The following CSMD1 variants were observed in gnomAD, a reference collection of about 807,000 sequenced individuals.
The protein encoded by CSMD1 is CUB and Sushi multiple domains 1, also known as CUB and sushi domain-containing protein 1.
CSMD1 carries 213 observed loss-of-function variants against 417.5 expected under a neutral mutation model. The observed-to-expected ratio is 0.51, with a 90% CI of 0.46 to 0.57. The LOEUF (loss-of-function observed/expected upper bound fraction) is 0.57, where lower values mean the gene tolerates loss of function less well. Ranked by LOEUF, CSMD1 falls within the 20% of genes least tolerant of loss-of-function variation. The pLI, the probability that CSMD1 is intolerant of heterozygous loss-of-function variation, is 0.00. For missense variants in CSMD1, 6,923 were observed against 4,529.7 expected, an observed-to-expected ratio of 1.53 and a Z score of -15.17; for synonymous variants, 2,862 against 1,736.8, an observed-to-expected ratio of 1.65 and a Z score of -16.11.
chr8:4,732,276 G>A (rs1460778211), intron 1 of CSMD1, among the ~76,000 whole-genome samples: 2 of 151,800 alleles, frequency 1.3e-5, no homozygotes, highest in East Asian at 1.9e-4. Context: ...AAGACACTCT[G>A]CTAGATTCTA....
intron 3 of CSMD1, among the ~76,000 whole-genome samples, chr8:4,073,971 ATCTT>A (rs200827007): frequency 1.1e-3 from 173 of 152,182 alleles, no homozygotes; most frequent in African/African-American, 3.7e-3. Context: ...CTATAATAAA[ATCTT>A]TGTCATTGGC....
chr8:4,805,256 C>G (rs985684644), intron 1 of CSMD1, among the ~76,000 whole-genome samples: 1 of 152,198 alleles, frequency 6.6e-6, no homozygotes, highest in Non-Finnish European at 1.5e-5. Context: ...ACCTGTCCAT[C>G]TCTTTCATGG....
At chr8:4,210,392 G>A (rs557455328) in intron 3 of CSMD1, among the ~76,000 whole-genome samples, 3 of 152,226 alleles carry the variant, frequency 2.0e-5, no homozygotes, top group South Asian at 2.1e-4. Context: ...TTCTTCTCAG[G>A]ATTTTATAGT....
At chr8:4,888,884 G>T (rs375129104) in intron 1 of CSMD1, among the ~76,000 whole-genome samples, 1 of 152,208 alleles carries the variant, frequency 6.6e-6, no homozygotes, top group East Asian at 1.9e-4. Flanking sequence ...GCAAAGATTT[G>T]TAACCCATAC....
chr8:4,437,605 A>C (rs1056786464), intron 2 of CSMD1, among the ~76,000 whole-genome samples: 2 of 152,196 alleles, frequency 1.3e-5, no homozygotes, highest in Non-Finnish European at 2.9e-5. Context: ...TTCATACTCT[A>C]TCAGCCTCTG....
intron 23 of CSMD1, among the ~76,000 whole-genome samples, chr8:3,315,217 A>AAACTT (rs374294090): frequency 4.6e-5 from 7 of 152,228 alleles, no homozygotes; most frequent in African/African-American, 1.4e-4. Flanking sequence ...ACTGCATTAA[A>AAACTT]AACTTAATAT....
chr8:2,986,210 G>T (rs1319434157), intron 54 of CSMD1, among the ~76,000 whole-genome samples: 1 of 152,184 alleles, frequency 6.6e-6, no homozygotes, highest in African/African-American at 2.4e-5. Context: ...CTTTGAAGAG[G>T]AAATTCAGAT....
At chr8:3,481,867 C>T (rs1384691276) in intron 11 of CSMD1, among the ~76,000 whole-genome samples, 1 of 152,166 alleles carries the variant, frequency 6.6e-6, no homozygotes, top group East Asian at 1.9e-4. Flanking sequence ...GAAAACCTGA[C>T]TTGGACTTCT....
At chr8:3,457,966 C>A (rs1249175523) in intron 12 of CSMD1, among the ~76,000 whole-genome samples, 1 of 152,168 alleles carries the variant, frequency 6.6e-6, no homozygotes, top group Non-Finnish European at 1.5e-5. Context: ...TAAAATATCA[C>A]CTAGAAGTAC....
intron 3 of CSMD1, among the ~76,000 whole-genome samples, chr8:4,316,422 A>G (rs796854135): frequency 9.8e-5 from 15 of 152,322 alleles, no homozygotes; most frequent in African/African-American, 3.6e-4. Context: ...TTCTTCATAT[A>G]TTAGGTTGAT....
chr8:4,267,520 C>G (rs1250288246), intron 3 of CSMD1, among the ~76,000 whole-genome samples: 1 of 151,558 alleles, frequency 6.6e-6, no homozygotes, highest in Admixed American at 6.6e-5. Flanking sequence ...AAGTATTGAT[C>G]CCAGCTACAC....
chr8:4,549,524 C>T (rs1030095550), intron 2 of CSMD1, among the ~76,000 whole-genome samples: 2 of 152,004 alleles, frequency 1.3e-5, no homozygotes, highest in Non-Finnish European at 2.9e-5. Flanking sequence ...TTTGCAATTC[C>T]TCCCTACCCA....
intron 1 of CSMD1, among the ~76,000 whole-genome samples, chr8:4,659,462 A>T (rs1210217760): frequency 6.6e-6 from 1 of 152,182 alleles, no homozygotes; most frequent in Non-Finnish European, 1.5e-5. Flanking sequence ...CTCAGTCACA[A>T]ATGAAGGAAG....
At chr8:3,879,371 A>C (rs1236520434) in intron 5 of CSMD1, among the ~76,000 whole-genome samples, 1 of 152,194 alleles carries the variant, frequency 6.6e-6, no homozygotes, top group Non-Finnish European at 1.5e-5. Context: ...GAATCTCTAT[A>C]GACATAAAGT....
Position 3,118,569 on chromosome 8 carries a change from C to A in CSMD1, c.6260G>T (p.Cys2087Phe). 6.2e-7 allele frequency: 1 copy of A among 1,613,414 alleles called. No homozygotes were observed. The highest frequency in any genetic ancestry group is 8.5e-7 in the Non-Finnish European group (1 of 1,179,722). Residue 2087 changes from cysteine to phenylalanine, a missense_variant, in exon 42 of 70, where the codon TGT (cysteine) becomes TTT (phenylalanine). By Grantham distance (205) the Cys-to-Phe change is radical (BLOSUM62 -2). Transcript: ENST00000635120. ...LAYQAYELQN[C>F]PDPPPFQNGY... ...ATTCTGAAATGGGGGTGGATCTGGA[C>A]AGTTCTGTAATTCATAGGCTGAAAG...
chr8:3,371,677 A>T (rs568793206), intron 18 of CSMD1, among the ~76,000 whole-genome samples: 14 of 152,316 alleles, frequency 9.2e-5, no homozygotes, highest in African/African-American at 3.4e-4. Flanking sequence ...TCTATGAAAG[A>T]TGTGACTAGC....
chr8:4,485,440 A>G (rs754647755), intron 2 of CSMD1, among the ~76,000 whole-genome samples: 12 of 152,170 alleles, frequency 7.9e-5, no homozygotes, highest in Admixed American at 2.0e-4. Flanking sequence ...AAGGGCTTCT[A>G]TGGATTCACA....
chr8:3,773,739 G>A (rs182476817), intron 5 of CSMD1, among the ~76,000 whole-genome samples: 16 of 152,312 alleles, frequency 1.1e-4, no homozygotes, highest in Admixed American at 9.2e-4. Flanking sequence ...GGGCAAGCAT[G>A]ATGGGCGGTG....
intron 5 of CSMD1, among the ~76,000 whole-genome samples, chr8:3,811,960 G>C (rs878965738): frequency 1.3e-5 from 2 of 151,964 alleles, no homozygotes; most frequent in East Asian, 1.9e-4. Flanking sequence ...GTTTGTTTTT[G>C]TTTGCTTCAG....
Sources: allele counts gnomAD v4.1 joint callset (sites outside exome capture counted in the v4.1 genomes callset), GRCh38; gene constraint gnomAD v4.1.1; transcripts MANE v1.5; gene names NCBI Gene and HGNC (gene_info 2026-07-23, HGNC 2026-07-21).